CEP128: variants seen among roughly 807,000 people sequenced by gnomAD.
The protein encoded by CEP128 is centrosomal protein 128kDa.
In CEP128, 132 loss-of-function variants were observed where a neutral mutation model predicts 156.7. The ratio of observed to expected loss-of-function variants is 0.84; its 90% CI spans 0.73 to 0.97. The LOEUF is 0.97. Ranked by LOEUF, CEP128 falls within the 50% of genes least tolerant of loss-of-function variation. The pLI is 0.00. For synonymous variants in CEP128, 469 were observed against 448.9 expected (o/e 1.04, Z -0.57); for missense variants, 1,252 against 1,281.9 (o/e 0.98, Z 0.36).
chr14:80,846,960 C>T (rs1886638571), intron 9 of CEP128, among the ~76,000 whole-genome samples: 1 of 152,020 alleles, frequency 6.6e-6, no homozygotes, highest in South Asian at 2.1e-4. Flanking sequence ...TTAATCCAGC[C>T]AACTATTTCC....
At position 80,862,877 on chromosome 14, in the gene CEP128, A is replaced by G; in HGVS notation, c.646-4T>C. ...GCCGCTCCACCCGATCTGAAACCTT[A>G]ATAAGAATTCAGAGAAACAGCAGCA... On this transcript the variant is annotated splice_polypyrimidine_tract_variant and splice_region_variant and intron_variant, in intron 8 of 24. Transcript: ENST00000555265. 1 of 1,608,206 alleles carries G rather than the reference A, an allele frequency of 6.2e-7. No individual in the cohort carries two copies. Among genetic ancestry groups the G allele is most frequent in the Admixed American group, 1.7e-5 (1 of 59,986 alleles).
intron 19 of CEP128, among the ~76,000 whole-genome samples, chr14:80,668,978 C>T (rs933729114): frequency 2.0e-5 from 3 of 152,194 alleles, no homozygotes; most frequent in African/African-American, 7.2e-5. Context: ...GTGAGGCCTC[C>T]CCAGCCATGC....
intron 19 of CEP128, among the ~76,000 whole-genome samples, chr14:80,592,340 A>T (rs1470151788): frequency 1.3e-5 from 2 of 152,236 alleles, no homozygotes; most frequent in Non-Finnish European, 2.9e-5. Flanking sequence ...GATCCCACAC[A>T]AATGCAAACT....
In CEP128 at chr14:80,785,518, T is replaced by A; in HGVS notation, c.1588A>T (p.Thr530Ser). Residue 530 changes from threonine to serine, a missense_variant, in exon 15 of 25, where the codon ACC becomes TCC. Thr to Ser is a moderately conservative substitution (Grantham distance 58). Transcript: ENST00000555265. ...TGTTGTAATGCTGCATACAGCTGGG[T>A]TTTCAATTCATCCTTTTCTTTTAAA... ...QILKEKDELK[T>S]QLYAALQQIE... 1.9e-6 allele frequency: 3 copies of A among 1,609,908 alleles called. No homozygotes were observed. Among genetic ancestry groups the A allele is most frequent in the Non-Finnish European group, 2.5e-6 (3 of 1,178,394 alleles).
At chr14:80,588,320 C>T (rs1242297444) in intron 19 of CEP128, among the ~76,000 whole-genome samples, 6 of 152,034 alleles carry the variant, frequency 3.9e-5, no homozygotes, top group African/African-American at 1.4e-4. Flanking sequence ...CACACACAGA[C>T]AGTACGTACC....
chr14:80,917,037 C>T (rs1478604189), intron 2 of CEP128, among the ~76,000 whole-genome samples: 1 of 152,162 alleles, frequency 6.6e-6, no homozygotes, highest in Non-Finnish European at 1.5e-5. Context: ...CGGTCTCACT[C>T]AGTGTACATT....
chr14:80,600,177 G>T lies in CEP128; in HGVS notation c.2807-19754C>A, dbSNP rs1033799331. ...GACACTCCCATAAGGAGAGGAAAAA[G>T]AAAGTGGGGAAGAAACATATTTGAA... On this transcript the variant is annotated intron_variant, in intron 19 of 24. Coordinates refer to ENST00000555265, the MANE Select transcript of CEP128 (RefSeq NM_152446.5). 1.2e-4 allele frequency among the ~76,000 whole-genome samples: 18 copies of T among 152,150 alleles called. 1 individual carries two copies.
At chr14:80,874,190 G>T (rs1225490980) in intron 8 of CEP128, among the ~76,000 whole-genome samples, 1 of 152,076 alleles carries the variant, frequency 6.6e-6, no homozygotes, top group Admixed American at 6.5e-5. Context: ...TGGGTGCAGT[G>T]GGGTGGCTCA....
At chr14:80,756,850 T>A (rs1365244785) in intron 18 of CEP128, 42 bp downstream of exon 18, 2 of 1,295,848 alleles carry the variant, frequency 1.5e-6, no homozygotes, top group East Asian at 4.6e-5. Flanking sequence ...GGCTTAAAGA[T>A]CATAAATATT....
chr14:80,534,687 C>T (rs542769294), intron 21 of CEP128, among the ~76,000 whole-genome samples: 33 of 151,690 alleles, frequency 2.2e-4, no homozygotes, highest in African/African-American at 4.8e-4. Context: ...TAGCCGGGCG[C>T]GGTGGCGGGC....
At chr14:80,572,679 A>T (rs772363372) in intron 20 of CEP128, among the ~76,000 whole-genome samples, 1 of 144,580 alleles carries the variant, frequency 6.9e-6, no homozygotes, top group Non-Finnish European at 1.5e-5. Flanking sequence ...GAAACATCAT[A>T]ATGTGTTGAG....
chr14:80,602,075 T>A (rs1341551535), intron 19 of CEP128, among the ~76,000 whole-genome samples: 1 of 152,020 alleles, frequency 6.6e-6, no homozygotes, highest in Admixed American at 6.6e-5. Context: ...AATACAGACT[T>A]TTAGACAAAA....
At chr14:80,621,120 T>C (rs1433666106) in intron 19 of CEP128, among the ~76,000 whole-genome samples, 1 of 152,154 alleles carries the variant, frequency 6.6e-6, no homozygotes, top group African/African-American at 2.4e-5. Flanking sequence ...TAAATCTGAG[T>C]GGCGCATATA....
intron 19 of CEP128, among the ~76,000 whole-genome samples, chr14:80,700,531 C>G (rs572043542): frequency 1.3e-5 from 2 of 150,494 alleles, no homozygotes; most frequent in Non-Finnish European, 2.9e-5. Context: ...TGACCCCCCC[C>G]AAAAAAGCCA....
intron 2 of CEP128, among the ~76,000 whole-genome samples, chr14:80,938,332 T>C (rs1340411645): frequency 6.7e-6 from 1 of 149,098 alleles, no homozygotes; most frequent in Non-Finnish European, 1.5e-5. Context: ...TTGCAAGCTC[T>C]GCCTCCTGGG....
intron 8 of CEP128, among the ~76,000 whole-genome samples, chr14:80,873,696 C>A (rs1030458814): frequency 8.5e-5 from 13 of 152,060 alleles, no homozygotes; most frequent in Non-Finnish European, 1.8e-4. Flanking sequence ...GTGTCCCCAC[C>A]CAGATCTCAT....
At chr14:80,814,005 G>A (rs1595443481) in intron 13 of CEP128, among the ~76,000 whole-genome samples, 1 of 152,216 alleles carries the variant, frequency 6.6e-6, no homozygotes, top group African/African-American at 2.4e-5. Flanking sequence ...CAATTATTTT[G>A]TTGCAGCACT....
At chr14:80,539,387 G>A (rs916675262) in intron 21 of CEP128, among the ~76,000 whole-genome samples, 9 of 152,150 alleles carry the variant, frequency 5.9e-5, no homozygotes, top group African/African-American at 1.4e-4. Flanking sequence ...CAGGGACCTC[G>A]AACAGAGGGA....
chr14:80,749,883 A>T (rs1899300990), intron 18 of CEP128, among the ~76,000 whole-genome samples: 2 of 152,238 alleles, frequency 1.3e-5, no homozygotes, highest in African/African-American at 2.4e-5. Context: ...CTTTTAGCAG[A>T]TTACAAATTA....
Sources: gnomAD v4.1 joint callset for allele counts (sites outside exome capture counted in the v4.1 genomes callset) on GRCh38, gnomAD v4.1.1 for gene constraint, MANE v1.5 for transcripts, NCBI Gene and HGNC (gene_info 2026-07-23, HGNC 2026-07-21) for gene names.